The following MTUS1 variants were observed in gnomAD, a reference collection of about 807,000 sequenced individuals.
MTUS1 encodes microtubule-associated tumor suppressor 1.
A neutral mutation model predicts 120.8 loss-of-function variants in MTUS1; 109 were observed. The ratio of observed to expected loss-of-function variants is 0.90; its 90% CI spans 0.77 to 1.06. The LOEUF (loss-of-function observed/expected upper bound fraction) is 1.06. Ranked by LOEUF, MTUS1 falls within the 50% of genes least tolerant of loss-of-function variation. The pLI, the probability that MTUS1 is intolerant of heterozygous loss-of-function variation, is 0.00. For synonymous variants in MTUS1, 737 were observed against 550.5 expected, an observed-to-expected ratio of 1.34 and a Z score of -4.74; for missense variants, 2,210 against 1,486.3, an observed-to-expected ratio of 1.49 and a Z score of -8.01.
chr8:17,688,782 G>C (rs1440098283), intron 6 of MTUS1, among the ~76,000 whole-genome samples: 2 of 152,162 alleles, frequency 1.3e-5, no homozygotes, highest in Non-Finnish European at 2.9e-5. Context: ...TACTCTAAAA[G>C]AGTTAACAGT....
intron 3 of MTUS1, among the ~76,000 whole-genome samples, chr8:17,738,598 C>A (rs1220351016): frequency 6.6e-6 from 1 of 152,116 alleles, no homozygotes; most frequent in East Asian, 1.9e-4. Context: ...GGTACATGTG[C>A]AGGCTGTGCA....
chr8:17,780,978 G>A (rs1437721491), intron 1 of MTUS1: 2 of 152,154 alleles, frequency 1.3e-5, no homozygotes, highest in African/African-American at 4.8e-5. Context: ...CAATCCTGAG[G>A]GGCTGTGGAA....
At chr8:17,790,499 A>G (rs1363778628) in intron 1 of MTUS1, among the ~76,000 whole-genome samples, 1 of 152,234 alleles carries the variant, frequency 6.6e-6, no homozygotes, top group Non-Finnish European at 1.5e-5. Flanking sequence ...TGCAAAAAGC[A>G]GTCTGAAAGC....
intron 6 of MTUS1, among the ~76,000 whole-genome samples, chr8:17,686,685 G>C (rs1294765431): frequency 1.3e-5 from 2 of 152,164 alleles, no homozygotes; most frequent in Non-Finnish European, 2.9e-5. Context: ...CAAAATCTGA[G>C]AGGTGAGTCT....
chr8:17,690,214 T>C (rs989995825), intron 6 of MTUS1, among the ~76,000 whole-genome samples: 1 of 152,078 alleles, frequency 6.6e-6, no homozygotes, highest in African/African-American at 2.4e-5. Context: ...GCAAAGGACA[T>C]GAACAGATGT....
intron 3 of MTUS1, chr8:17,724,154 T>C (rs2046044597): frequency 4.1e-6 from 2 of 488,924 alleles, no homozygotes; most frequent in Non-Finnish European, 7.9e-6. Context: ...AAAGCAGCTT[T>C]TGGCAAAACT....
At chr8:17,674,844 C>G (rs567370656) in intron 8 of MTUS1, 12 of 1,103,968 alleles carry the variant, frequency 1.1e-5, no homozygotes, top group African/African-American at 1.6e-5. Flanking sequence ...TTTCACTATT[C>G]TCATATGAAA....
chr8:17,688,678 C>G (rs566759830), intron 6 of MTUS1, among the ~76,000 whole-genome samples: 1 of 152,266 alleles, frequency 6.6e-6, no homozygotes, highest in Non-Finnish European at 1.5e-5. Flanking sequence ...GCTTATCCTG[C>G]CTATGCAATC....
chr8:17,754,183 G>A lies in MTUS1; in HGVS notation c.1625C>T (p.Pro542Leu), dbSNP rs1361669183. 2.5e-6 allele frequency: 4 copies of A among 1,613,790 alleles called. No homozygotes were observed. The highest frequency in any genetic ancestry group is 3.3e-5 in the Admixed American group (2 of 59,986). Reference sequence around the variant, plus strand: ...TTGTTGTCTTGAATTCACTGATGAGGGTGATGAGGCACTGGTCTGCTGAGG... The same window carrying A: ...TTGTTGTCTTGAATTCACTGATGAGAGTGATGAGGCACTGGTCTGCTGAGG... ...PRPQQTSASSPSSVNSRQQTV... is the reference protein window; with the variant it reads ...PRPQQTSASSLSSVNSRQQTV... The change falls in exon 2 of 15, where the codon CCC (proline) becomes CTC (leucine). Residue 542 changes from proline to leucine, a missense_variant. Pro to Leu is a moderately conservative substitution (Grantham distance 98). Transcript: ENST00000693296.
intron 3 of MTUS1, among the ~76,000 whole-genome samples, chr8:17,730,120 C>T (rs747599415): frequency 1.4e-4 from 21 of 152,078 alleles, no homozygotes; most frequent in Non-Finnish European, 2.8e-4. Flanking sequence ...GGTGGTTCCT[C>T]CAAAAATTAA....
chr8:17,653,434 T>C lies in MTUS1; in HGVS notation c.3279A>G (p.Glu1093=). 6.2e-7 allele frequency: 1 copy of C among 1,610,422 alleles called. No homozygotes were observed. Among genetic ancestry groups the C allele is most frequent in the East Asian group, 2.2e-5 (1 of 44,844 alleles). ...ATTGACATTCACCCACCTCTAGCGA[T>C]TCCTGCTTCTCAGAAAGTAAATCTT... is the stretch of plus-strand genomic sequence containing the variant. ...SLEDLLSEKQ[E]SLEKQINDLK... is the part of the protein sequence containing the mutation. The change falls in exon 11 of 15, where the codon GAA becomes GAG. Residue 1093 remains glutamate (E), a synonymous_variant. Coordinates refer to ENST00000693296, the MANE Select transcript of MTUS1 (RefSeq NM_001363059.2).
In MTUS1 at chr8:17,744,694, T is replaced by C. The variant is rs541561129; in HGVS notation, c.2092-895A>G. ...ATGGGGTTTCACCATGTTTTCTTTTTTTTTTTTTTTTTTTTGATTTTTTGT... is the reference window on the plus strand; with the variant it reads ...ATGGGGTTTCACCATGTTTTCTTTTCTTTTTTTTTTTTTTTGATTTTTTGT... On this transcript the variant is annotated intron_variant, in intron 2 of 14. Transcript: ENST00000693296. Among the ~76,000 whole-genome samples, 16 of 148,864 alleles carry C rather than the reference T, an allele frequency of 1.1e-4. No homozygotes were observed. In the East Asian group the frequency reaches 1.4e-3, roughly 13 times the overall value.
intron 1 of MTUS1, among the ~76,000 whole-genome samples, chr8:17,774,002 C>G (rs2050209811): frequency 6.6e-6 from 1 of 152,210 alleles, no homozygotes; most frequent in Non-Finnish European, 1.5e-5. Flanking sequence ...GCCCTCACAT[C>G]TACATTCTCT....
At chr8:17,654,812 A>G (rs1038463871) in intron 9 of MTUS1, 146 bp from the exon 10 acceptor site, 6 of 624,330 alleles carry the variant, frequency 9.6e-6, no homozygotes, top group African/African-American at 1.8e-5. Context: ...TACAAAGGTC[A>G]GGGCAGTGGT....
intron 8 of MTUS1, among the ~76,000 whole-genome samples, chr8:17,661,887 T>C (rs1248500744): frequency 1.3e-5 from 2 of 152,194 alleles, no homozygotes; most frequent in Admixed American, 6.5e-5. Flanking sequence ...TGGGCTGCAG[T>C]AATCGCTCAC....
chr8:17,799,983 C>T (rs2052550833), intron 1 of MTUS1, among the ~76,000 whole-genome samples: 1 of 152,058 alleles, frequency 6.6e-6, no homozygotes, highest in African/African-American at 2.4e-5. Context: ...CTGTAAAGCA[C>T]TGTACTAACA....
intron 3 of MTUS1, among the ~76,000 whole-genome samples, chr8:17,735,971 G>C (rs954955089): frequency 1.3e-5 from 2 of 152,190 alleles, no homozygotes; most frequent in African/African-American, 4.8e-5. Context: ...GTTTTCATTG[G>C]AACGATTTGC....
chr8:17,665,457 T>C (rs1810686521), intron 8 of MTUS1, among the ~76,000 whole-genome samples: 1 of 152,204 alleles, frequency 6.6e-6, no homozygotes, highest in South Asian at 2.1e-4. Context: ...ATAGGTATTA[T>C]CAGACATCTC....
chr8:17,650,257 T>C lies in MTUS1; in HGVS notation c.3385-295A>G, dbSNP rs1041689564. ...AACTTTGCTTACATACAAAACAGAA[T>C]CTTGGCTGGAGATGAGGCAATCTGT... On this transcript the variant is annotated intron_variant, in intron 12 of 14. Coordinates refer to ENST00000693296, the MANE Select transcript of MTUS1 (RefSeq NM_001363059.2). Among the ~76,000 whole-genome samples, 7 of 152,298 alleles carry C rather than the reference T, an allele frequency of 4.6e-5. 1 individual carries two copies. The South Asian group carries it at 1.5e-3, about 32-fold the overall frequency.
Sources: gnomAD v4.1 joint callset for allele counts (sites outside exome capture counted in the v4.1 genomes callset) on GRCh38, gnomAD v4.1.1 for gene constraint, MANE v1.5 for transcripts, NCBI Gene and HGNC (gene_info 2026-07-23, HGNC 2026-07-21) for gene names.